The following TMIGD3 variants were observed in gnomAD, a reference collection of about 807,000 sequenced individuals.
The protein encoded by TMIGD3 is AD026 protein (AD026).
Under a neutral mutation model 28.1 loss-of-function variants are expected in TMIGD3, and 21 were observed. The ratio of observed to expected loss-of-function variants is 0.75; its 90% CI spans 0.53 to 1.08. The LOEUF (loss-of-function observed/expected upper bound fraction) is 1.08. TMIGD3 is among the 50% of genes least tolerant of loss of function. The pLI, the probability that TMIGD3 is intolerant of heterozygous loss-of-function variation, is 0.00. For synonymous variants in TMIGD3, 151 were observed against 162.1 expected, an observed-to-expected ratio of 0.93 and a Z score of 0.52; for missense variants, 416 against 435.6, an observed-to-expected ratio of 0.96 and a Z score of 0.40.
intron 1 of TMIGD3, among the ~76,000 whole-genome samples, chr1:111,543,845 T>TG (rs1247296047): frequency 2.6e-5 from 4 of 152,100 alleles, no homozygotes. Context: ...ATTTTGAAGT[T>TG]GGTAAGGGTT....
chr1:111,520,380 A>T (rs10857892), intron 1 of TMIGD3, among the ~76,000 whole-genome samples: 11 of 152,082 alleles, frequency 7.2e-5, no homozygotes, highest in African/African-American at 2.7e-4. Flanking sequence ...TTACAAGATC[A>T]TAAAATCAAC....
rs576810588 is a variant in TMIGD3, at chr1:111,496,285, G to A, written c.351-5523C>T. 3.9e-5 allele frequency among the ~76,000 whole-genome samples: 6 copies of A among 152,288 alleles called. No individual in the cohort carries two copies. The East Asian group carries it at 9.6e-4, about 24-fold the overall frequency. ...TTAGGATCAACCAAGAAAGCCAAATGTGTGCCCCCAGTTAATCAAATAGGC... is the reference window on the plus strand; with the variant it reads ...TTAGGATCAACCAAGAAAGCCAAATATGTGCCCCCAGTTAATCAAATAGGC... On this transcript the variant is annotated intron_variant, in intron 1 of 5. Transcript: ENST00000369716.
At chr1:111,496,781 A>G (rs953995194) in intron 1 of TMIGD3, among the ~76,000 whole-genome samples, 2 of 152,202 alleles carry the variant, frequency 1.3e-5, no homozygotes, top group Non-Finnish European at 2.9e-5. Flanking sequence ...CCTACCTTTG[A>G]GTCTCTGCCA....
intron 1 of TMIGD3, among the ~76,000 whole-genome samples, chr1:111,492,568 C>T (rs1265287502): frequency 6.6e-6 from 1 of 152,048 alleles, no homozygotes; most frequent in African/African-American, 2.4e-5. Context: ...GTAATCCCAG[C>T]ACTTTGGGAG....
At chr1:111,503,829 T>A (rs967043066), upstream of TMIGD3, 3 of 1,001,104 alleles carry the variant, frequency 3.0e-6, no homozygotes, top group Middle Eastern at 5.1e-4. Context: ...AGAGGAGCCA[T>A]GAGTGGCATA....
chr1:111,496,884 C>T (rs1481267886), intron 1 of TMIGD3, among the ~76,000 whole-genome samples: 1 of 152,126 alleles, frequency 6.6e-6, no homozygotes, highest in Non-Finnish European at 1.5e-5. Context: ...CTACTTTTTT[C>T]CCCAGTTGTC....
chr1:111,484,009 G>T (rs1380931331), intron 5 of TMIGD3, among the ~76,000 whole-genome samples: 1 of 152,214 alleles, frequency 6.6e-6, no homozygotes, highest in East Asian at 1.9e-4. Context: ...GCCCAAGAAT[G>T]TCAAAGCTAG....
intron 1 of TMIGD3, among the ~76,000 whole-genome samples, chr1:111,516,869 C>CTAG (rs1655883919): frequency 6.6e-6 from 1 of 152,184 alleles, no homozygotes; most frequent in African/African-American, 2.4e-5. Context: ...GATGGGTAAA[C>CTAG]CTCTTAACAC....
At chr1:111,547,871 C>T (rs938108977) in intron 1 of TMIGD3, among the ~76,000 whole-genome samples, 9 of 152,210 alleles carry the variant, frequency 5.9e-5, no homozygotes, top group African/African-American at 1.7e-4. Context: ...TCTCTTAAAA[C>T]ACTCTCATAA....
At chr1:111,504,696 G>T (rs775797527), upstream of TMIGD3, among the ~76,000 whole-genome samples, 1 of 152,184 alleles carries the variant, frequency 6.6e-6, no homozygotes, top group Non-Finnish European at 1.5e-5. Context: ...CAACAATGGC[G>T]TTCTGGTGTT....
Position 111,503,365 on chromosome 1 carries a change from C to T in TMIGD3, c.-11G>A. The T allele has an allele frequency of 6.2e-7, 1 of 1,600,854 alleles. No individual in the cohort carries two copies. The highest frequency in any genetic ancestry group is 1.7e-4 in the Middle Eastern group (1 of 6,022). On this transcript the variant is annotated 5_prime_UTR_variant, in exon 1 of 6. Coordinates refer to ENST00000369716, the MANE Select transcript of TMIGD3 (RefSeq NM_020683.7). The stretch of plus-strand genomic sequence containing the variant: ...GCTGTTGTTGGGCATCTTGCCTTCC[C>T]AGGGGAACCTCCACAGGGACAGGTG...
At chr1:111,561,559 C>T (rs538477515) in intron 1 of TMIGD3, among the ~76,000 whole-genome samples, 35 of 152,264 alleles carry the variant, frequency 2.3e-4, no homozygotes, top group African/African-American at 7.5e-4. Flanking sequence ...ATACAGAGGT[C>T]ATAGTCTCCA....
chr1:111,501,076 G>T, intron 1 of TMIGD3: 1 of 157,560 alleles, frequency 6.3e-6, no homozygotes, highest in Non-Finnish European at 1.4e-5. Context: ...AGGATTGTCT[G>T]CCTGGTGAGA....
At chr1:111,563,706 A>G in intron 1 of TMIGD3, 1 of 634,124 alleles carries the variant, frequency 1.6e-6, no homozygotes, top group South Asian at 1.9e-5. Context: ...AATACAAATT[A>G]TCTCTATTTT....
intron 1 of TMIGD3, among the ~76,000 whole-genome samples, chr1:111,556,221 T>G (rs979390413): frequency 6.6e-6 from 1 of 152,094 alleles, no homozygotes; most frequent in Non-Finnish European, 1.5e-5. Flanking sequence ...CAATGAGATA[T>G]CACTTTACAC....
intron 1 of TMIGD3, among the ~76,000 whole-genome samples, chr1:111,557,290 T>TG (rs1657533061): frequency 1.3e-5 from 2 of 152,228 alleles, no homozygotes; most frequent in Non-Finnish European, 2.9e-5. Context: ...GGCTCACGCC[T>TG]GTAATCCTAG....
intron 1 of TMIGD3, among the ~76,000 whole-genome samples, chr1:111,517,697 G>A (rs1433883875): frequency 1.3e-5 from 2 of 152,330 alleles, no homozygotes; most frequent in East Asian, 3.9e-4. Flanking sequence ...TCAAAGAGCT[G>A]TGAAGTGGAT....
chr1:111,542,831 GGACTACAGGCAT>G (rs1282005307), intron 1 of TMIGD3, among the ~76,000 whole-genome samples: 3 of 151,976 alleles, frequency 2.0e-5, no homozygotes, highest in Non-Finnish European at 4.4e-5. Context: ...GGAATAGCTG[GGACTACAGGCAT>G]GAACCACCAT....
In TMIGD3 at chr1:111,518,735, T is replaced by C. The variant is rs151005669; in HGVS notation, c.108-27973A>G. Reference sequence around the variant, plus strand: ...CTAAATAAGGAAGGTGTGAACTAGATACTGAAATCTACTTGCCCAGAAGCA... The same window carrying C: ...CTAAATAAGGAAGGTGTGAACTAGACACTGAAATCTACTTGCCCAGAAGCA... On this transcript the variant is annotated intron_variant, in intron 1 of 5. Transcript: ENST00000369717. Among the ~76,000 whole-genome samples, 374 of 152,320 alleles carry C rather than the reference T, an allele frequency of 2.5e-3. 2 individuals are homozygous for C. Among genetic ancestry groups the C allele is most frequent in the African/African-American group, 8.6e-3 (356 of 41,572 alleles).
Sources: allele counts gnomAD v4.1 joint callset (sites outside exome capture counted in the v4.1 genomes callset), GRCh38; gene constraint gnomAD v4.1.1; transcripts MANE v1.5; gene names NCBI Gene and HGNC (gene_info 2026-07-23, HGNC 2026-07-21).